The following SUCO variants were observed in gnomAD, a reference collection of about 807,000 sequenced individuals.
SUCO encodes the protein SUN domain containing ossification factor.
SUCO carries 57 observed loss-of-function variants against 148.1 expected under a neutral mutation model. The observed-to-expected ratio is 0.38, with a 90% CI of 0.31 to 0.48. SUCO has a LOEUF of 0.48. Ranked by LOEUF, SUCO falls within the 20% of genes least tolerant of loss-of-function variation. The probability of loss-of-function intolerance (pLI) is 0.96; values close to 1 mark genes in which losing one functional copy is unlikely to be tolerated. For missense variants in SUCO, 1,331 were observed against 1,468.2 expected (o/e 0.91, Z 1.53); for synonymous variants, 470 against 502.7 (o/e 0.93, Z 0.87).
intron 6 of SUCO, 143 bp from the exon 7 acceptor site, chr1:172,568,876 T>G (rs1558188473): frequency 1.2e-6 from 1 of 805,842 alleles, no homozygotes; most frequent in East Asian, 3.6e-5. Flanking sequence ...AAACCTTTCT[T>G]TTTACGTTTT....
chr1:172,598,667 T>TA (rs1327401017), intron 19 of SUCO, among the ~76,000 whole-genome samples: 2 of 152,234 alleles, frequency 1.3e-5, no homozygotes, highest in African/African-American at 4.8e-5. Flanking sequence ...CTCAAAGACT[T>TA]ATGTGAGTAC....
rs200500979 is a variant in SUCO, at chr1:172,589,154, T to G, written c.2053T>G (p.Leu685Val). The change falls in exon 18 of 24, where the codon TTG becomes GTG. Residue 685 changes from leucine to valine, a missense_variant. Coordinates refer to ENST00000263688, the MANE Select transcript of SUCO (RefSeq NM_014283.5). The stretch of plus-strand genomic sequence containing the variant: ...AGTATTGCAACCTCTGAGTGGAGAA[T>G]TGGAAAATACGAATATAGAAAGGGA... ...VSVLQPLSGE[L>V]ENTNIEREAE... 1.4e-5 allele frequency: 23 copies of G among 1,613,906 alleles called. No homozygotes were observed. The East Asian group carries it at 4.9e-4, about 34-fold the overall frequency.
Position 172,591,072 on chromosome 1 carries a change from G to A in SUCO, c.2913+1G>A. 6.2e-7 allele frequency: 1 copy of A among 1,608,024 alleles called. No individual in the cohort carries two copies. The highest frequency in any genetic ancestry group is 8.5e-7 in the Non-Finnish European group (1 of 1,177,064). On this transcript the variant is annotated splice_donor_variant, in intron 19 of 23. Coordinates refer to ENST00000263688, the MANE Select transcript of SUCO (RefSeq NM_014283.5). LOFTEE classifies it high-confidence loss of function. Reference sequence around the variant, plus strand: ...TACTTCAAGAATAGCAGAGGAGCAGGTTGGTTTCTACATCCCTTATTTACT... The same window carrying A: ...TACTTCAAGAATAGCAGAGGAGCAGATTGGTTTCTACATCCCTTATTTACT...
chr1:172,560,052 G>A (rs886307981), intron 6 of SUCO, among the ~76,000 whole-genome samples: 1 of 152,230 alleles, frequency 6.6e-6, no homozygotes, highest in Non-Finnish European at 1.5e-5. Context: ...TGTAGGCCCT[G>A]TCTAGCACCA....
At chr1:172,590,030 A>C (rs1656526386) in intron 18 of SUCO, 104 bp downstream of exon 18, 1 of 982,064 alleles carries the variant, frequency 1.0e-6, no homozygotes, top group African/African-American at 1.7e-5. Context: ...CTCATGATAT[A>C]ATAGAGGTAA....
chr1:172,571,625 C>T (rs1404435147), intron 9 of SUCO, among the ~76,000 whole-genome samples: 8 of 138,266 alleles, frequency 5.8e-5, no homozygotes, highest in Admixed American at 4.3e-4. Context: ...AGCGCCTCTT[C>T]CCTGCCGCCA....
chr1:172,607,182 C>T (rs1657914998), intron 22 of SUCO, among the ~76,000 whole-genome samples: 1 of 151,822 alleles, frequency 6.6e-6, no homozygotes, highest in African/African-American at 2.4e-5. Context: ...TAAGCTCTTA[C>T]TCAGGGTATG....
At position 172,573,992 on chromosome 1, in the gene SUCO, G is replaced by T; in HGVS notation, c.1151G>T (p.Ser384Ile). The change falls in exon 10 of 24, where the codon AGT (serine) becomes ATT (isoleucine). Residue 384 changes from serine (S) to isoleucine (I), a missense_variant. Ser to Ile is a moderately radical substitution (Grantham distance 142). This residue lies in a region of SUCO where 992 missense variants were observed against 1,093.5 expected (regional missense o/e 0.91). Transcript: ENST00000263688. ...STPKDFLVSISDRYPTNKWIK... is the reference protein window; with the variant it reads ...STPKDFLVSIIDRYPTNKWIK... ...CCTAAAGATTTTCTGGTTTCTATCAGTGACAGGTAAATTCTAAAGCTGTTT... is the reference window on the plus strand; with the variant it reads ...CCTAAAGATTTTCTGGTTTCTATCATTGACAGGTAAATTCTAAAGCTGTTT... 1 of 1,546,314 alleles carries T rather than the reference G, an allele frequency of 6.5e-7. No homozygotes were observed.
intron 9 of SUCO, among the ~76,000 whole-genome samples, chr1:172,572,698 A>T (rs1215514423): frequency 4.7e-4 from 25 of 53,118 alleles, no homozygotes; most frequent in African/African-American, 1.6e-3. Context: ...ATGATCAATA[A>T]AAAAAAAAAA....
At chr1:172,575,827 GT>G (rs56928843) in intron 11 of SUCO, among the ~76,000 whole-genome samples, 90,425 of 151,598 alleles carry the variant, frequency 0.6, 27,479 homozygotes, top group African/African-American at 0.7. Flanking sequence ...GCCTAGGCCA[GT>G]TTTTTTGTTA....
intron 6 of SUCO, among the ~76,000 whole-genome samples, chr1:172,562,065 A>G (rs574129260): frequency 2.9e-4 from 44 of 152,314 alleles, no homozygotes; most frequent in African/African-American, 1.0e-3. Flanking sequence ...TAAGTTACAC[A>G]TCAATAAAAA....
chr1:172,588,460 G>A, intron 17 of SUCO: 1 of 984,580 alleles, frequency 1.0e-6, no homozygotes, highest in Non-Finnish European at 1.2e-6. Context: ...TCAGTGAATG[G>A]AAGTATTCAC....
At chr1:172,599,328 C>CA (rs1258791262) in intron 19 of SUCO, 613 of 361,788 alleles carry the variant, frequency 1.7e-3, no homozygotes, top group Middle Eastern at 2.8e-3. Context: ...GACTCCGTCT[C>CA]AAAAAAAAAT....
At chr1:172,546,636 C>T (rs1439593510) in intron 1 of SUCO, among the ~76,000 whole-genome samples, 1 of 152,210 alleles carries the variant, frequency 6.6e-6, no homozygotes, top group Non-Finnish European at 1.5e-5. Context: ...AGGCCAGGCA[C>T]AGTGGCTCAC....
chr1:172,596,829 G>A (rs1006127564), intron 19 of SUCO, among the ~76,000 whole-genome samples: 3 of 152,322 alleles, frequency 2.0e-5, no homozygotes, highest in East Asian at 3.9e-4. Flanking sequence ...AGACGGGGAC[G>A]TTTAAGTCTG....
chr1:172,548,292 T>C lies in SUCO; in HGVS notation c.63-3220T>C, dbSNP rs535917365. 1.5e-4 allele frequency among the ~76,000 whole-genome samples: 23 copies of C among 151,992 alleles called. 1 individual carries two copies. In the East Asian group the frequency reaches 4.4e-3, roughly 29 times the overall value. On this transcript the variant is annotated intron_variant, in intron 1 of 23. Transcript: ENST00000263688. Reference sequence around the variant, plus strand: ...GTGGTTGTTTTTTCTTTTTATTCCATATTGTGTTAATTCCCATTACTATCT... The same window carrying C: ...GTGGTTGTTTTTTCTTTTTATTCCACATTGTGTTAATTCCCATTACTATCT...
rs1479864331 is a variant in SUCO, at chr1:172,611,314, CTCTG to C, written c.*1059_*1062del. 10 of 152,546 alleles carry C rather than the reference CTCTG, an allele frequency of 6.6e-5. No individual in the cohort carries two copies. The highest frequency in any genetic ancestry group is 1.9e-4 in the East Asian group (1 of 5,198). The allele number at this position is 152,546 out of a possible 1,614,324, so 9.4% of individuals were successfully genotyped here. ...GGTAATACATATGTGATGTCGATGT[CTCTG>C]TCTTTTTTTTTGTCTTTAAAAAATA... On this transcript the variant is annotated 3_prime_UTR_variant, in exon 24 of 24. Coordinates refer to ENST00000263688, the MANE Select transcript of SUCO (RefSeq NM_014283.5).
intron 1 of SUCO, among the ~76,000 whole-genome samples, chr1:172,539,727 A>C (rs1456083253): frequency 6.6e-6 from 1 of 152,210 alleles, no homozygotes; most frequent in Non-Finnish European, 1.5e-5. Flanking sequence ...CTACTGTATG[A>C]GTTATTCATT....
At chr1:172,574,510 T>C (rs1655283977) in intron 10 of SUCO, among the ~76,000 whole-genome samples, 2 of 151,940 alleles carry the variant, frequency 1.3e-5, no homozygotes. Flanking sequence ...GGAATAGAAC[T>C]GCATTTTGTC....
Sources: allele counts gnomAD v4.1 joint callset (sites outside exome capture counted in the v4.1 genomes callset), GRCh38; gene constraint gnomAD v4.1.1; regional missense constraint gnomAD v4.1.1; transcripts MANE v1.5; gene names NCBI Gene and HGNC (gene_info 2026-07-23, HGNC 2026-07-21).